The following ARFGEF2 variants were observed in gnomAD, a reference collection of about 807,000 sequenced individuals.
ARFGEF2 encodes ARF guanine nucleotide exchange factor 2.
ARFGEF2 carries 74 observed loss-of-function variants against 219.9 expected under a neutral mutation model. That is an observed-to-expected ratio of 0.34 (90% CI 0.28 to 0.41). The LOEUF is 0.41. Among genes scored for constraint, ARFGEF2 ranks in the 10% least tolerant of loss-of-function variants. The pLI is 1.00. For synonymous variants in ARFGEF2, 733 were observed against 799.2 expected, an observed-to-expected ratio of 0.92 and a Z score of 1.40; for missense variants, 1,743 against 2,218.3, an observed-to-expected ratio of 0.79 and a Z score of 4.30.
chr20:49,010,175 A>G, intron 26 of ARFGEF2, 57 bp from the exon 27 acceptor site: 1 of 1,582,288 alleles, frequency 6.3e-7, no homozygotes, highest in Non-Finnish European at 8.6e-7. Context: ...AGCTATGTTC[A>G]TTTCTCTTCC....
chr20:49,028,006 C>G (rs2091613273), intron 36 of ARFGEF2, among the ~76,000 whole-genome samples: 1 of 152,040 alleles, frequency 6.6e-6, no homozygotes, highest in African/African-American at 2.4e-5. Context: ...TCCCGTAATC[C>G]CAGAACTTTG....
intron 9 of ARFGEF2, among the ~76,000 whole-genome samples, chr20:48,969,945 CTA>C (rs2091214552): frequency 6.6e-6 from 1 of 152,236 alleles, no homozygotes; most frequent in African/African-American, 2.4e-5. Flanking sequence ...TAAATTATCT[CTA>C]TTGTTCCTGT....
At chr20:48,977,980 A>G (rs73611315) in intron 14 of ARFGEF2, among the ~76,000 whole-genome samples, 1 of 152,060 alleles carries the variant, frequency 6.6e-6, no homozygotes, top group Non-Finnish European at 1.5e-5. Context: ...TCTTTCGTTT[A>G]ATTAGATCCC....
chr20:48,995,167 T>C (rs776993157), intron 22 of ARFGEF2, among the ~76,000 whole-genome samples: 64 of 152,348 alleles, frequency 4.2e-4, no homozygotes, highest in Middle Eastern at 6.8e-3. Context: ...GGGACTGTTA[T>C]ATTCCCCATT....
At chr20:49,021,315 A>G (rs891324489) in intron 34 of ARFGEF2, among the ~76,000 whole-genome samples, 3 of 152,120 alleles carry the variant, frequency 2.0e-5, no homozygotes, top group Non-Finnish European at 2.9e-5. Context: ...ACTTAAAGAC[A>G]ACTCAACCTC....
intron 37 of ARFGEF2, among the ~76,000 whole-genome samples, chr20:49,029,025 G>T (rs529854287): frequency 6.6e-6 from 1 of 152,314 alleles, no homozygotes; most frequent in South Asian, 2.1e-4. Context: ...TTGGGACCAG[G>T]TCCTCTTTAG....
intron 25 of ARFGEF2, among the ~76,000 whole-genome samples, chr20:49,002,506 T>A (rs2091431131): frequency 6.6e-6 from 1 of 152,250 alleles, no homozygotes; most frequent in Non-Finnish European, 1.5e-5. Flanking sequence ...GCTGTGTTTG[T>A]CCTTTTGTGA....
rs932632985 is a variant in ARFGEF2, at chr20:49,033,909, A to G, written c.*710A>G. On this transcript the variant is annotated 3_prime_UTR_variant, in exon 39 of 39. Transcript: ENST00000371917. Reference sequence around the variant, plus strand: ...CTCCCTGTTTTAGTAACATGGAGAGAAAAAGTCTACACGAAAAAGTGAACA... The same window carrying G: ...CTCCCTGTTTTAGTAACATGGAGAGGAAAAGTCTACACGAAAAAGTGAACA... 1 of 152,338 alleles carries G rather than the reference A, an allele frequency of 6.6e-6. No individual in the cohort carries two copies. The highest frequency in any genetic ancestry group is 6.5e-5 in the Admixed American group (1 of 15,280). The allele number at this position is 152,338 out of a possible 1,614,324, so 9.4% of individuals were successfully genotyped here. A position where few individuals can be genotyped will look rare whatever the true frequency, so the allele number is the denominator to read the frequency against.
chr20:48,944,554 G>A (rs6019547), intron 3 of ARFGEF2, among the ~76,000 whole-genome samples: 54,007 of 151,992 alleles, frequency 0.36, 10,348 homozygotes, highest in African/African-American at 0.51. Flanking sequence ...GATTCTCCCC[G>A]GGCTCAAGTG....
rs2123598715 is a variant in ARFGEF2, at chr20:49,035,690, TTTCAGA to T, written c.*2492_*2497del. ...AACATTTTCCAAGGCCTTATTTCTT[TTTCAGA>T]ATGCTTTAAGTGTTGATTATATGTG... is the stretch of plus-strand genomic sequence containing the variant. On this transcript the variant is annotated 3_prime_UTR_variant, in exon 39 of 39. Coordinates refer to ENST00000371917, the MANE Select transcript of ARFGEF2 (RefSeq NM_006420.3). 6.5e-6 allele frequency: 1 copy of T among 152,682 alleles called. No homozygotes were observed. The highest frequency in any genetic ancestry group is 1.9e-4 in the East Asian group (1 of 5,194). 9.5% of individuals were successfully genotyped at this position (152,682 alleles called of 1,614,324 possible). A position where few individuals can be genotyped will look rare whatever the true frequency, so the allele number is the denominator to read the frequency against.
intron 20 of ARFGEF2, 103 bp from the exon 21 acceptor site, chr20:48,990,937 A>T: frequency 7.8e-7 from 1 of 1,282,324 alleles, no homozygotes; most frequent in Non-Finnish European, 1.1e-6. Context: ...GTCAATGTGC[A>T]TACAAAAAGT....
chr20:48,999,486 C>T (rs1275551683), intron 25 of ARFGEF2, among the ~76,000 whole-genome samples: 2 of 152,144 alleles, frequency 1.3e-5, no homozygotes, highest in East Asian at 1.9e-4. Context: ...TCATGGCTCA[C>T]GCCTGTAATC....
intron 25 of ARFGEF2, among the ~76,000 whole-genome samples, chr20:49,000,895 G>A (rs1373319843): frequency 6.6e-6 from 1 of 152,162 alleles, no homozygotes; most frequent in East Asian, 1.9e-4. Context: ...AAGAATCTGT[G>A]TGTGCCAATT....
At chr20:49,001,322 G>C (rs1031970042) in intron 25 of ARFGEF2, among the ~76,000 whole-genome samples, 9 of 152,112 alleles carry the variant, frequency 5.9e-5, no homozygotes, top group Non-Finnish European at 1.2e-4. Flanking sequence ...TTACAGGCAT[G>C]AACCACCGTG....
intron 7 of ARFGEF2, among the ~76,000 whole-genome samples, chr20:48,965,488 C>T (rs1275344141): frequency 1.3e-5 from 2 of 152,204 alleles, no homozygotes; most frequent in African/African-American, 4.8e-5. Context: ...TCTGTCATAA[C>T]TGGCTCTTCT....
intron 4 of ARFGEF2, 139 bp from the exon 5 acceptor site, chr20:48,952,566 C>T: frequency 1.2e-6 from 1 of 808,944 alleles, no homozygotes. Context: ...GTTTAATTTG[C>T]AGAGCCATCT....
At chr20:49,019,188 G>A (rs2091549090) in intron 34 of ARFGEF2, among the ~76,000 whole-genome samples, 190 bp downstream of exon 34, 1 of 152,110 alleles carries the variant, frequency 6.6e-6, no homozygotes, top group Admixed American at 6.5e-5. Flanking sequence ...GTGCAGGCAA[G>A]TACATGCACA....
Position 49,035,885 on chromosome 20 carries a change from T to C in ARFGEF2, c.*2686T>C. 1 of 315,894 alleles carries C rather than the reference T, an allele frequency of 3.2e-6. No homozygotes were observed. 19.6% of individuals were successfully genotyped at this position (315,894 alleles called of 1,614,324 possible). A position where few individuals can be genotyped will look rare whatever the true frequency, so the allele number is the denominator to read the frequency against. ...ACGCATCTTTAGAGTCAAATATATC[T>C]TTTCCCTGTACTCCTCATGTACAAC... is the stretch of plus-strand genomic sequence containing the variant. On this transcript the variant is annotated 3_prime_UTR_variant, in exon 39 of 39. Coordinates refer to ENST00000371917, the MANE Select transcript of ARFGEF2 (RefSeq NM_006420.3).
At chr20:48,939,409 C>T (rs991934684) in intron 1 of ARFGEF2, among the ~76,000 whole-genome samples, 1 of 152,004 alleles carries the variant, frequency 6.6e-6, no homozygotes, top group African/African-American at 2.4e-5. Flanking sequence ...GGAAAACCTA[C>T]ATTTGAGTTT....
Sources: allele counts gnomAD v4.1 joint callset (sites outside exome capture counted in the v4.1 genomes callset), GRCh38; gene constraint gnomAD v4.1.1; transcripts MANE v1.5; gene names NCBI Gene and HGNC (gene_info 2026-07-23, HGNC 2026-07-21).